Variants in SV2C observed in about 807,000 individuals in gnomAD.
SV2C encodes the protein synaptic vesicle glycoprotein 2C, also known as solute carrier family 22 member B3.
A neutral mutation model predicts 79.7 loss-of-function variants in SV2C; 49 were observed. The observed-to-expected ratio is 0.61, with a 90% CI of 0.49 to 0.78. The LOEUF (loss-of-function observed/expected upper bound fraction) is 0.78. Among genes scored for constraint, SV2C ranks in the 30% least tolerant of loss-of-function variants. The pLI, the probability that SV2C is intolerant of heterozygous loss-of-function variation, is 0.00. For synonymous variants in SV2C, 334 were observed against 333.2 expected (o/e 1.00, Z -0.03); for missense variants, 833 against 912.9 (o/e 0.91, Z 1.13).
chr5:76,319,399 C>G (rs142600654), intron 12 of SV2C, among the ~76,000 whole-genome samples: 1 of 151,872 alleles, frequency 6.6e-6, no homozygotes, highest in African/African-American at 2.4e-5. Flanking sequence ...GCCTGGGCCA[C>G]AGAGCGAGAC....
the SV2C span, among the ~76,000 whole-genome samples, chr5:76,019,182 T>C: frequency 5.5e-4 from 84 of 152,182 alleles, no homozygotes; most frequent in African/African-American, 1.5e-3. Flanking sequence ...AAGAGAAGCA[T>C]GTATGGAGTT....
the SV2C span, among the ~76,000 whole-genome samples, chr5:75,935,715 G>T: frequency 6.6e-6 from 1 of 152,112 alleles, no homozygotes; most frequent in African/African-American, 2.4e-5. Context: ...TAAGAAGTAC[G>T]TAACATTCAT....
At chr5:76,207,884 T>C (rs553051910) in intron 3 of SV2C, among the ~76,000 whole-genome samples, 2 of 152,216 alleles carry the variant, frequency 1.3e-5, no homozygotes, top group Non-Finnish European at 2.9e-5. Flanking sequence ...TAGCTATCCA[T>C]TGTATGAGCT....
the SV2C span, among the ~76,000 whole-genome samples, chr5:75,859,018 T>C: frequency 1.3e-5 from 2 of 152,136 alleles, no homozygotes; most frequent in African/African-American, 4.8e-5. Context: ...GTCAATTTTG[T>C]TTATCTTTCC....
chr5:76,005,142 A>T, the SV2C span, among the ~76,000 whole-genome samples: 1 of 152,220 alleles, frequency 6.6e-6, no homozygotes, highest in Non-Finnish European at 1.5e-5. Context: ...CTTGTAGCTA[A>T]TACAATATCA....
chr5:76,191,566 A>T (rs745467408), intron 2 of SV2C, among the ~76,000 whole-genome samples: 35 of 152,354 alleles, frequency 2.3e-4, no homozygotes, highest in South Asian at 4.1e-4. Context: ...GGGAAAAGAC[A>T]TGTCCCCTTA....
At chr5:76,238,178 C>A (rs1745674807) in intron 4 of SV2C, among the ~76,000 whole-genome samples, 1 of 152,022 alleles carries the variant, frequency 6.6e-6, no homozygotes, top group African/African-American at 2.4e-5. Flanking sequence ...TCTCCTCATT[C>A]CTATTATCCA....
the SV2C span, among the ~76,000 whole-genome samples, chr5:75,918,536 G>A: frequency 1.3e-5 from 2 of 152,226 alleles, no homozygotes; most frequent in African/African-American, 4.8e-5. Flanking sequence ...TCATCACAAA[G>A]ATTTCTGGCA....
Position 76,203,953 on chromosome 5 carries a change from T to C in SV2C, c.762-5783T>C, listed in dbSNP as rs147045811. On this transcript the variant is annotated intron_variant, in intron 3 of 12. Coordinates refer to ENST00000502798, the MANE Select transcript of SV2C (RefSeq NM_014979.4). ...GTTACCAGTATGTGTTTTTCTCCCA[T>C]TTCTATCTTTATCACTGATAGCAAA... Among the ~76,000 whole-genome samples, 239 of 152,354 alleles carry C rather than the reference T, an allele frequency of 1.6e-3. 1 individual carries two copies. Among genetic ancestry groups the C allele is most frequent in the African/African-American group, 5.2e-3 (218 of 41,580 alleles).
chr5:75,951,531 C>T, the SV2C span, among the ~76,000 whole-genome samples: 14 of 151,984 alleles, frequency 9.2e-5, no homozygotes, highest in Admixed American at 7.9e-4. Context: ...GTCTCCCATG[C>T]CAAGGAACTC....
chr5:76,041,037 C>A, the SV2C span, among the ~76,000 whole-genome samples: 119 of 152,134 alleles, frequency 7.8e-4, no homozygotes, highest in Non-Finnish European at 1.1e-3. Flanking sequence ...AGTTGAGCTG[C>A]CTGGGAGGGG....
At chr5:76,090,916 T>C (rs1192352429) in intron 1 of SV2C, among the ~76,000 whole-genome samples, 1 of 152,212 alleles carries the variant, frequency 6.6e-6, no homozygotes, top group Non-Finnish European at 1.5e-5. Context: ...ATTTTGGCAG[T>C]GGGTAGAGAA....
the SV2C span, among the ~76,000 whole-genome samples, chr5:75,881,486 G>C: frequency 5.3e-5 from 8 of 152,246 alleles, no homozygotes; most frequent in African/African-American, 7.2e-5. Context: ...GCAGTGGTTT[G>C]TAGTTCTCCT....
At chr5:75,859,612 A>G in the SV2C span, among the ~76,000 whole-genome samples, 1 of 152,094 alleles carries the variant, frequency 6.6e-6, no homozygotes, top group Non-Finnish European at 1.5e-5. Flanking sequence ...TCTGAGGAGA[A>G]AAGTCTCCTT....
the SV2C span, among the ~76,000 whole-genome samples, chr5:75,965,936 C>T: frequency 1.3e-5 from 2 of 152,146 alleles, no homozygotes; most frequent in East Asian, 1.9e-4. Context: ...ACTATAAATT[C>T]TTTTCAGTTT....
chr5:76,044,870 G>A, the SV2C span, among the ~76,000 whole-genome samples: 1 of 152,088 alleles, frequency 6.6e-6, no homozygotes, highest in African/African-American at 2.4e-5. Flanking sequence ...TAGATTGTCT[G>A]TTCACTCTGA....
intron 6 of SV2C, among the ~76,000 whole-genome samples, chr5:76,289,039 C>G (rs1747455726): frequency 6.6e-6 from 1 of 152,066 alleles, no homozygotes; most frequent in African/African-American, 2.4e-5. Flanking sequence ...GCCACCATAT[C>G]TGGCTGATTT....
intron 1 of SV2C, among the ~76,000 whole-genome samples, chr5:76,106,807 A>T (rs1747932738): frequency 6.6e-6 from 1 of 150,512 alleles, no homozygotes; most frequent in African/African-American, 2.5e-5. Flanking sequence ...CCCTTGCCTT[A>T]CTCTTTTTTT....
chr5:76,030,949 C>G, the SV2C span, among the ~76,000 whole-genome samples: 1 of 151,960 alleles, frequency 6.6e-6, no homozygotes, highest in Non-Finnish European at 1.5e-5. Context: ...TCAAATATTT[C>G]AACAATTTTT....
Sources: gnomAD v4.1 joint callset for allele counts (sites outside exome capture counted in the v4.1 genomes callset) on GRCh38, gnomAD v4.1.1 for gene constraint, MANE v1.5 for transcripts, NCBI Gene and HGNC (gene_info 2026-07-23, HGNC 2026-07-21) for gene names.